The following TRAK1 variants were observed in gnomAD, a reference collection of about 807,000 sequenced individuals.
TRAK1 encodes trafficking kinesin-binding protein 1.
A neutral mutation model predicts 92.1 loss-of-function variants in TRAK1; 33 were observed. The ratio of observed to expected loss-of-function variants is 0.36; its 90% CI spans 0.27 to 0.48. TRAK1 has a LOEUF of 0.48. Ranked by LOEUF, TRAK1 falls within the 20% of genes least tolerant of loss-of-function variation. The pLI, the probability that TRAK1 is intolerant of heterozygous loss-of-function variation, is 0.99. For synonymous variants in TRAK1, 521 were observed against 517.3 expected, an observed-to-expected ratio of 1.01 and a Z score of -0.10; for missense variants, 1,123 against 1,257.9, an observed-to-expected ratio of 0.89 and a Z score of 1.62.
chr3:42,124,680 T>C (rs755482898), intron 1 of TRAK1, among the ~76,000 whole-genome samples: 1 of 152,214 alleles, frequency 6.6e-6, no homozygotes, highest in Non-Finnish European at 1.5e-5. Context: ...AATCAGACAC[T>C]GAAATACCCA....
At chr3:42,080,029 G>T (rs568545693) in intron 1 of TRAK1, among the ~76,000 whole-genome samples, 1 of 152,272 alleles carries the variant, frequency 6.6e-6, no homozygotes, top group East Asian at 1.9e-4. Flanking sequence ...TGTGTTGAAG[G>T]TTGCTCGATC....
intron 1 of TRAK1, among the ~76,000 whole-genome samples, chr3:42,120,079 T>A (rs1484095910): frequency 6.6e-6 from 1 of 152,176 alleles, no homozygotes; most frequent in Non-Finnish European, 1.5e-5. Flanking sequence ...AAAAGCTCTT[T>A]TCCAGAAATG....
chr3:42,168,007 G>A lies in TRAK1; in HGVS notation c.287-8807G>A, dbSNP rs114421815. 6.1e-3 allele frequency among the ~76,000 whole-genome samples: 925 copies of A among 152,350 alleles called. 6 individuals are homozygous for A. The highest frequency in any genetic ancestry group is 0.021 in the African/African-American group (871 of 41,590). On this transcript the variant is annotated intron_variant, in intron 2 of 15. Coordinates refer to ENST00000327628, the MANE Select transcript of TRAK1 (RefSeq NM_001042646.3). ...TCAACAGGCAAGTGAGAGACTTGGC[G>A]AAGCCTTCAAGGAGGTGGCTATAAC...
intron 1 of TRAK1, among the ~76,000 whole-genome samples, chr3:42,103,526 C>T (rs142159113): frequency 4.9e-4 from 75 of 152,216 alleles, no homozygotes; most frequent in African/African-American, 1.5e-3. Context: ...TTCTTGATTC[C>T]GACAGGCTTG....
At chr3:42,018,857 C>T (rs1701626131) in intron 1 of TRAK1, among the ~76,000 whole-genome samples, 1 of 152,194 alleles carries the variant, frequency 6.6e-6, no homozygotes, top group Non-Finnish European at 1.5e-5. Context: ...AGTGTGGTGG[C>T]TTACGCCTAT....
chr3:42,098,436 A>C (rs1169182372), intron 1 of TRAK1, among the ~76,000 whole-genome samples: 1 of 152,108 alleles, frequency 6.6e-6, no homozygotes, highest in African/African-American at 2.4e-5. Flanking sequence ...GCAGGTTGTG[A>C]GTGTGCAGTA....
intron 2 of TRAK1, among the ~76,000 whole-genome samples, chr3:42,176,588 T>C (rs751124663): frequency 6.6e-6 from 1 of 152,138 alleles, no homozygotes; most frequent in Non-Finnish European, 1.5e-5. Flanking sequence ...AATGTCAAGG[T>C]TTCACAGGGG....
At chr3:42,207,991 G>A (rs1188639010) in intron 13 of TRAK1, among the ~76,000 whole-genome samples, 3 of 152,204 alleles carry the variant, frequency 2.0e-5, no homozygotes, top group East Asian at 1.9e-4. Context: ...GATGCCGTTC[G>A]TCCACAGCTG....
At chr3:42,137,019 G>T (rs981208295) in intron 2 of TRAK1, among the ~76,000 whole-genome samples, 1 of 152,016 alleles carries the variant, frequency 6.6e-6, no homozygotes, top group African/African-American at 2.4e-5. Flanking sequence ...GATTTTAGGT[G>T]ATTTGAAAAT....
intron 1 of TRAK1, among the ~76,000 whole-genome samples, chr3:42,015,538 T>A (rs1701487667): frequency 6.6e-6 from 1 of 152,168 alleles, no homozygotes; most frequent in Non-Finnish European, 1.5e-5. Context: ...CTCTCTGTCC[T>A]GCTCTCCCCT....
Position 42,200,959 on chromosome 3 carries a change from C to T in TRAK1, c.1332C>T (p.Thr444=). The T allele has an allele frequency of 6.2e-7, 1 of 1,614,166 alleles. No homozygotes were observed. The highest frequency in any genetic ancestry group is 8.5e-7 in the Non-Finnish European group (1 of 1,180,028). Residue 444 remains threonine (T), a synonymous_variant, in exon 12 of 16, where the codon ACC becomes ACT. Transcript: ENST00000327628. Reference sequence around the variant, plus strand: ...CCCTCCTGTCCAGCTGCGTCAGCACCCCCCGGTCCAGCTTCTACGGCAGCG... The same window carrying T: ...CCCTCCTGTCCAGCTGCGTCAGCACTCCCCGGTCCAGCTTCTACGGCAGCG... ...MNSLLSSCVS[T]PRSSFYGSDI...
At position 42,209,879 on chromosome 3, in the gene TRAK1, G is replaced by A. The variant is rs769910082; in HGVS notation, c.1857G>A (p.Leu619=). The A allele has an allele frequency of 2.5e-6, 4 of 1,614,206 alleles. No homozygotes were observed. The highest frequency in any genetic ancestry group is 1.7e-5 in the Admixed American group (1 of 60,018). ...TKGFRTLDVD[L]DEVYCLNDFE... ...GCTTCCGGACGCTGGATGTTGACCT[G>A]GACGAAGTGTACTGCCTTAACGACT... Residue 619 remains leucine, a synonymous_variant, in exon 14 of 16, where the codon CTG becomes CTA. Coordinates refer to ENST00000327628, the MANE Select transcript of TRAK1 (RefSeq NM_001042646.3).
chr3:42,203,304 C>CT (rs1707909369), intron 13 of TRAK1: 2 of 991,242 alleles, frequency 2.0e-6, no homozygotes, highest in African/African-American at 3.5e-5. Context: ...GCAGTATGTT[C>CT]TGAGCGCGGC....
At chr3:42,186,358 AC>A (rs1704847082) in intron 4 of TRAK1, among the ~76,000 whole-genome samples, 1 of 152,086 alleles carries the variant, frequency 6.6e-6, no homozygotes, top group African/African-American at 2.4e-5. Context: ...GATGTATTCA[AC>A]CTTTTTCCTT....
chr3:42,066,443 G>T (rs1280389712), intron 1 of TRAK1, among the ~76,000 whole-genome samples: 1 of 152,078 alleles, frequency 6.6e-6, no homozygotes, highest in Non-Finnish European at 1.5e-5. Flanking sequence ...GAGAGAGAGA[G>T]AGCACCCAGC....
chr3:42,055,251 C>T (rs1358675019), intron 1 of TRAK1, among the ~76,000 whole-genome samples: 1 of 152,026 alleles, frequency 6.6e-6, no homozygotes, highest in Admixed American at 6.6e-5. Flanking sequence ...AGTCATGTAA[C>T]CACCCCAAGG....
intron 10 of TRAK1, among the ~76,000 whole-genome samples, chr3:42,195,826 C>T (rs1706539232): frequency 6.6e-6 from 1 of 152,188 alleles, no homozygotes; most frequent in African/African-American, 2.4e-5. Flanking sequence ...TCAGTAAAAG[C>T]AGCAAAGAAT....
intron 1 of TRAK1, among the ~76,000 whole-genome samples, chr3:42,107,715 T>C (rs1478555642): frequency 6.6e-6 from 1 of 152,050 alleles, no homozygotes; most frequent in Admixed American, 6.6e-5. Flanking sequence ...TTAACCTCTT[T>C]GCCTGTACAG....
In TRAK1 at chr3:42,125,714, G is replaced by T. The variant is rs916866144; in HGVS notation, c.286+100G>T. Reference sequence around the variant, plus strand: ...CTTGTACTGGCTACCCTGTGATGTGGCTTGCCACCTCTGGAAAGGTAGTCA... The same window carrying T: ...CTTGTACTGGCTACCCTGTGATGTGTCTTGCCACCTCTGGAAAGGTAGTCA... On this transcript the variant is annotated intron_variant, in intron 2 of 15. Coordinates refer to ENST00000327628, the MANE Select transcript of TRAK1 (RefSeq NM_001042646.3). The T allele has an allele frequency of 6.7e-6, 9 of 1,337,892 alleles. No individual in the cohort carries two copies. In the African/African-American group the frequency reaches 1.3e-4, roughly 20 times the overall value. 82.9% of individuals were successfully genotyped at this position (1,337,892 alleles called of 1,614,324 possible). A position where few individuals can be genotyped will look rare whatever the true frequency, so the allele number is the denominator to read the frequency against.
Sources: allele counts gnomAD v4.1 joint callset (sites outside exome capture counted in the v4.1 genomes callset), GRCh38; gene constraint gnomAD v4.1.1; transcripts MANE v1.5; gene names NCBI Gene and HGNC (gene_info 2026-07-23, HGNC 2026-07-21).